The following FARS2 variants were observed in gnomAD, a reference collection of about 807,000 sequenced individuals.
FARS2 encodes the protein phenylalanine--tRNA ligase, mitochondrial.
FARS2 carries 40 observed loss-of-function variants against 46.4 expected under a neutral mutation model. The observed-to-expected ratio is 0.86, with a 90% CI of 0.67 to 1.12. The LOEUF (loss-of-function observed/expected upper bound fraction) is 1.12. Ranked by LOEUF, FARS2 falls within the 50% of genes most tolerant of loss-of-function variation. The probability of loss-of-function intolerance (pLI) is 0.00; values close to 1 mark genes in which losing one functional copy is unlikely to be tolerated. For synonymous variants in FARS2, 234 were observed against 214.9 expected, an observed-to-expected ratio of 1.09 and a Z score of -0.78; for missense variants, 513 against 567.9, an observed-to-expected ratio of 0.90 and a Z score of 0.98.
intron 4 of FARS2, among the ~76,000 whole-genome samples, chr6:5,453,722 G>A (rs1298415027): frequency 1.3e-5 from 2 of 152,244 alleles, no homozygotes; most frequent in African/African-American, 2.4e-5. Flanking sequence ...GCTCCTGTGT[G>A]TGTGGCAGGT....
At chr6:5,648,795 G>A (rs368498201) in intron 6 of FARS2, among the ~76,000 whole-genome samples, 11 of 151,892 alleles carry the variant, frequency 7.2e-5, no homozygotes, top group South Asian at 4.2e-4. Context: ...AAAATATTAC[G>A]TATTAGCACA....
At chr6:5,613,995 A>G (rs1775327130) in intron 6 of FARS2, among the ~76,000 whole-genome samples, 1 of 152,136 alleles carries the variant, frequency 6.6e-6, no homozygotes, top group African/African-American at 2.4e-5. Context: ...CCTGGGGGGA[A>G]AAGGGCACAT....
intron 1 of FARS2, among the ~76,000 whole-genome samples, chr6:5,322,370 C>T (rs1274025105): frequency 6.6e-6 from 1 of 152,182 alleles, no homozygotes; most frequent in Non-Finnish European, 1.5e-5. Context: ...TGTTTGCCAA[C>T]GTATAGAAAA....
intron 4 of FARS2, among the ~76,000 whole-genome samples, chr6:5,484,034 T>G (rs113877791): frequency 6.6e-6 from 1 of 152,046 alleles, no homozygotes; most frequent in Admixed American, 6.5e-5. Context: ...ACCCAGGAGT[T>G]TGAGGCTGCA....
At chr6:5,712,834 GAC>G (rs1473673604) in intron 6 of FARS2, among the ~76,000 whole-genome samples, 1 of 152,222 alleles carries the variant, frequency 6.6e-6, no homozygotes, top group Non-Finnish European at 1.5e-5. Flanking sequence ...TGGTCACACA[GAC>G]ACAGTCAGGC....
chr6:5,759,104 C>T (rs889509744), intron 6 of FARS2, among the ~76,000 whole-genome samples: 3 of 152,202 alleles, frequency 2.0e-5, no homozygotes, highest in Admixed American at 6.5e-5. Context: ...AGAAGGTAAG[C>T]GATCTACCTA....
At chr6:5,634,433 G>C (rs1490709754) in intron 6 of FARS2, among the ~76,000 whole-genome samples, 4 of 152,124 alleles carry the variant, frequency 2.6e-5, no homozygotes, top group African/African-American at 9.7e-5. Context: ...CTCCTGAATA[G>C]CTGGGACCAC....
intron 1 of FARS2, among the ~76,000 whole-genome samples, chr6:5,309,964 A>C (rs1472396679): frequency 6.6e-6 from 1 of 152,234 alleles, no homozygotes; most frequent in Admixed American, 6.5e-5. Context: ...ATGAAGCTAT[A>C]ATAATTTAAA....
intron 1 of FARS2, among the ~76,000 whole-genome samples, chr6:5,356,488 A>C (rs1419887676): frequency 6.6e-6 from 1 of 152,180 alleles, no homozygotes; most frequent in African/African-American, 2.4e-5. Context: ...TAGATTAGAT[A>C]GATTAGACAG....
In FARS2 at chr6:5,609,456, T is replaced by C. The variant is rs547959945; in HGVS notation, c.1066-3713T>C. 133 of 1,223,890 alleles carry C rather than the reference T, an allele frequency of 1.1e-4. No individual in the cohort carries two copies. In the African/African-American group the frequency reaches 1.7e-3, roughly 16 times the overall value. The allele number at this position is 1,223,890 out of a possible 1,614,324, so 75.8% of individuals were successfully genotyped here. ...ATAGCTTCCATCATTACCAAATCCA[T>C]TATAGCCATCCGCCCTGCCACCATA... On this transcript the variant is annotated intron_variant, in intron 5 of 6. Coordinates refer to ENST00000274680, the MANE Select transcript of FARS2 (RefSeq NM_006567.5).
chr6:5,632,199 C>G (rs1776323685), intron 6 of FARS2, among the ~76,000 whole-genome samples: 1 of 152,146 alleles, frequency 6.6e-6, no homozygotes. Flanking sequence ...CCAAAAAATT[C>G]ATAGCAGATT....
At chr6:5,340,557 G>T (rs1164179545) in intron 1 of FARS2, among the ~76,000 whole-genome samples, 2 of 152,018 alleles carry the variant, frequency 1.3e-5, no homozygotes, top group African/African-American at 4.8e-5. Context: ...AGAATTTTCT[G>T]GTTTTTTAAA....
chr6:5,722,459 G>C lies in FARS2; in HGVS notation c.1218-48832G>C, dbSNP rs58627367. Among the ~76,000 whole-genome samples the C allele has an allele frequency of 1.1e-3, 173 of 152,320 alleles. No homozygotes were observed. The Middle Eastern group carries it at 0.017, about 15-fold the overall frequency. On this transcript the variant is annotated intron_variant, in intron 6 of 6. Transcript: ENST00000274680. ...CAAAGCAGTGCGCTGTGACAGAGGG[G>C]TTATCTCAGGTGGGATGGCCCTGAA...
chr6:5,708,345 T>C (rs1476566359), intron 6 of FARS2, among the ~76,000 whole-genome samples: 1 of 152,114 alleles, frequency 6.6e-6, no homozygotes, highest in South Asian at 2.1e-4. Context: ...CTTATCAGGA[T>C]GTGAGATCCA....
intron 6 of FARS2, among the ~76,000 whole-genome samples, chr6:5,744,540 C>G (rs922575496): frequency 6.6e-6 from 1 of 152,174 alleles, no homozygotes; most frequent in African/African-American, 2.4e-5. Context: ...GGTTGCAAAC[C>G]CAGTTCTGTC....
At chr6:5,282,195 C>G (rs1249733938) in intron 1 of FARS2, among the ~76,000 whole-genome samples, 1 of 152,126 alleles carries the variant, frequency 6.6e-6, no homozygotes, top group African/African-American at 2.4e-5. Context: ...AAAGTGTTAC[C>G]TTGCCAGAGG....
chr6:5,724,239 G>A (rs548290142), intron 6 of FARS2, among the ~76,000 whole-genome samples: 1 of 152,234 alleles, frequency 6.6e-6, no homozygotes, highest in Admixed American at 6.5e-5. Flanking sequence ...GCAACCACCG[G>A]TGCCCTCCCT....
intron 4 of FARS2, among the ~76,000 whole-genome samples, chr6:5,514,361 G>T (rs1309673384): frequency 4.6e-5 from 7 of 152,138 alleles, no homozygotes; most frequent in Non-Finnish European, 8.8e-5. Context: ...GGGTAGCCTT[G>T]TCTTGCATAG....
chr6:5,522,994 G>A (rs1330790135), intron 4 of FARS2, among the ~76,000 whole-genome samples: 1 of 152,218 alleles, frequency 6.6e-6, no homozygotes, highest in Non-Finnish European at 1.5e-5. Context: ...CATTTGGGAT[G>A]AAGGGAGGAG....
Sources: allele counts gnomAD v4.1 joint callset (sites outside exome capture counted in the v4.1 genomes callset), GRCh38; gene constraint gnomAD v4.1.1; transcripts MANE v1.5; gene names NCBI Gene and HGNC (gene_info 2026-07-23, HGNC 2026-07-21).